PALLD: variants seen among roughly 807,000 people sequenced by gnomAD.
The protein encoded by PALLD is palladin, cytoskeletal associated protein.
A neutral mutation model predicts 123.5 loss-of-function variants in PALLD; 61 were observed. That is an observed-to-expected ratio of 0.49 (90% confidence interval 0.40 to 0.61). PALLD has a LOEUF of 0.61. Among genes scored for constraint, PALLD ranks in the 20% least tolerant of loss-of-function variants. PALLD has a pLI of 0.00. For synonymous variants in PALLD, 465 were observed against 496.4 expected (o/e 0.94, Z 0.84); for missense variants, 1,273 against 1,377.0 (o/e 0.92, Z 1.20).
At chr4:168,501,962 C>A (rs1579983904) in intron 1 of PALLD, among the ~76,000 whole-genome samples, 1 of 151,754 alleles carries the variant, frequency 6.6e-6, no homozygotes, top group African/African-American at 2.4e-5. Context: ...TAAGAAAATG[C>A]AGATCAAACC....
intron 10 of PALLD, among the ~76,000 whole-genome samples, chr4:168,879,477 A>C (rs1054183027): frequency 1.3e-5 from 2 of 152,208 alleles, no homozygotes; most frequent in African/African-American, 4.8e-5. Flanking sequence ...TATTGTTCAG[A>C]GAGAAAAAGA....
chr4:168,924,919 C>G (rs1203906703), intron 19 of PALLD, 26 bp from the exon 20 acceptor site: 1 of 1,613,724 alleles, frequency 6.2e-7, no homozygotes, highest in Non-Finnish European at 8.5e-7. Context: ...AATTTAGAAC[C>G]CTAATGACTT....
rs1255633273 is a variant in PALLD at position 168,894,566 on chromosome 4, T to A, written c.2101-13T>A. On this transcript the variant is annotated splice_polypyrimidine_tract_variant and intron_variant, in intron 11 of 21. Coordinates refer to ENST00000505667, the MANE Select transcript of PALLD (RefSeq NM_001166108.2). ...TTTCTAATTTTGTATTTTTTGTGAC[T>A]TACGTTGTTTAGAGGTTAACATACG... 6.3e-7 allele frequency: 1 copy of A among 1,578,596 alleles called. No homozygotes were observed. Among genetic ancestry groups the A allele is most frequent in the African/African-American group, 1.3e-5 (1 of 74,092 alleles).
chr4:168,794,776 A>AC (rs1454241152), intron 10 of PALLD, among the ~76,000 whole-genome samples: 1 of 152,132 alleles, frequency 6.6e-6, no homozygotes, highest in Non-Finnish European at 1.5e-5. Flanking sequence ...AATATCTTTA[A>AC]CCCTGTGCTT....
intron 2 of PALLD, among the ~76,000 whole-genome samples, chr4:168,650,854 A>T (rs1777969587): frequency 6.6e-6 from 1 of 152,128 alleles, no homozygotes; most frequent in African/African-American, 2.4e-5. Context: ...AGTATTACCA[A>T]GTATAATAGT....
intron 10 of PALLD, among the ~76,000 whole-genome samples, chr4:168,785,685 C>T (rs943112052): frequency 9.2e-5 from 14 of 151,394 alleles, no homozygotes; most frequent in East Asian, 1.9e-4. Flanking sequence ...CTGGGTTTGG[C>T]GTACTTACCC....
At chr4:168,727,942 C>T (rs1401662582) in intron 10 of PALLD, among the ~76,000 whole-genome samples, 2 of 152,132 alleles carry the variant, frequency 1.3e-5, no homozygotes, top group South Asian at 4.1e-4. Context: ...GCCAGCTATC[C>T]CAGCACCATT....
chr4:168,633,318 T>G (rs1776020689), intron 2 of PALLD, among the ~76,000 whole-genome samples: 1 of 152,208 alleles, frequency 6.6e-6, no homozygotes, highest in African/African-American at 2.4e-5. Context: ...GTTATAGGGG[T>G]TACATGAAGA....
At chr4:168,689,071 T>TCAGAAATAGTTGATCATCTAAAC (rs1782360494) in intron 6 of PALLD, among the ~76,000 whole-genome samples, 1 of 152,154 alleles carries the variant, frequency 6.6e-6, no homozygotes, top group Non-Finnish European at 1.5e-5. Flanking sequence ...AAGAACGCAA[T>TCAGAAATAGTTGATCATCTAAAC]CAGAAATAGT....
At chr4:168,791,487 G>A (rs1442265835) in intron 10 of PALLD, among the ~76,000 whole-genome samples, 2 of 152,178 alleles carry the variant, frequency 1.3e-5, no homozygotes, top group Non-Finnish European at 1.5e-5. Flanking sequence ...AAGGCAGCAG[G>A]AGGGAGAAAA....
intron 3 of PALLD, among the ~76,000 whole-genome samples, chr4:168,672,020 G>A (rs1780330686): frequency 1.3e-5 from 2 of 152,204 alleles, no homozygotes; most frequent in South Asian, 4.1e-4. Context: ...TTCATTTAGT[G>A]TCACCTAGGA....
At chr4:168,554,419 C>T (rs1767061973) in intron 2 of PALLD, among the ~76,000 whole-genome samples, 1 of 152,178 alleles carries the variant, frequency 6.6e-6, no homozygotes. Context: ...ACTATCCCAT[C>T]TTTAACGGGG....
At chr4:168,734,077 A>G (rs565377282) in intron 10 of PALLD, among the ~76,000 whole-genome samples, 43 of 152,274 alleles carry the variant, frequency 2.8e-4, no homozygotes, top group Admixed American at 6.5e-4. Context: ...TAAAATCTCA[A>G]ATCCTGAGTA....
chr4:168,677,356 T>C (rs1780963004), intron 3 of PALLD, among the ~76,000 whole-genome samples: 1 of 152,090 alleles, frequency 6.6e-6, no homozygotes, highest in East Asian at 1.9e-4. Context: ...AAGGTGACTT[T>C]CAGATTTCAC....
chr4:168,755,195 T>G (rs567062529), intron 10 of PALLD, among the ~76,000 whole-genome samples: 54 of 140,880 alleles, frequency 3.8e-4, no homozygotes, highest in Admixed American at 8.4e-4. Flanking sequence ...ATTGCACCAC[T>G]GCACTCCAGC....
intron 18 of PALLD, among the ~76,000 whole-genome samples, chr4:168,922,130 CACACACACACACA>C (rs1761701907): frequency 1.3e-5 from 2 of 148,580 alleles, no homozygotes; most frequent in Middle Eastern, 3.6e-3. Context: ...CACACACACA[CACACACACACACA>C]CCTGGTTTTT....
In PALLD at chr4:168,514,647, T is replaced by A. The variant is rs1740029257; in HGVS notation, c.908+2235T>A. Among the ~76,000 whole-genome samples, 3 of 152,236 alleles carry A rather than the reference T, an allele frequency of 2.0e-5. No homozygotes were observed. In the South Asian group the frequency reaches 6.2e-4, roughly 31 times the overall value. On this transcript the variant is annotated intron_variant, in intron 2 of 21. Transcript: ENST00000505667. ...CAGATTCTATTTAGATTTTTTAACC[T>A]ATCAATCTTGCAAATAAATAATTTT... is the stretch of plus-strand genomic sequence containing the variant.
intron 2 of PALLD, among the ~76,000 whole-genome samples, chr4:168,564,037 A>G (rs1768116118): frequency 6.6e-6 from 1 of 152,088 alleles, no homozygotes; most frequent in Non-Finnish European, 1.5e-5. Context: ...CCCAGTCTCC[A>G]TTGTCTGTCC....
intron 10 of PALLD, among the ~76,000 whole-genome samples, chr4:168,835,662 G>GGGGCCGGGCGC (rs1554092174): frequency 7.9e-5 from 12 of 151,638 alleles, no homozygotes; most frequent in East Asian, 1.9e-4. Flanking sequence ...AATTAGAGAT[G>GGGGCCGGGCGC]GTAGATGAGA....
Sources: allele counts gnomAD v4.1 joint callset (sites outside exome capture counted in the v4.1 genomes callset), GRCh38; gene constraint gnomAD v4.1.1; transcripts MANE v1.5; gene names NCBI Gene and HGNC (gene_info 2026-07-23, HGNC 2026-07-21).